The following FGF14 variants were observed in gnomAD, a reference collection of about 807,000 sequenced individuals.
FGF14 encodes fibroblast growth factor 14, also known as fibroblast growth factor homologous factor 4.
Under a neutral mutation model 25.5 loss-of-function variants are expected in FGF14, and 5 were observed. The observed-to-expected ratio is 0.20, with a 90% CI of 0.10 to 0.41. FGF14 has a LOEUF of 0.41. Among genes scored for constraint, FGF14 ranks in the 10% least tolerant of loss-of-function variants. The pLI, the probability that FGF14 is intolerant of heterozygous loss-of-function variation, is 1.00. For missense variants in FGF14, 222 were observed against 320.1 expected (o/e 0.69, Z 2.34); for synonymous variants, 138 against 118.3 (o/e 1.17, Z -1.08).
chr13:101,970,853 T>C (rs1424961408), intron 1 of FGF14, among the ~76,000 whole-genome samples: 2 of 152,174 alleles, frequency 1.3e-5, no homozygotes, highest in Non-Finnish European at 2.9e-5. Context: ...GTGCATTCAC[T>C]CTACCAACCC....
At chr13:102,003,758 T>A (rs1380456405) in intron 1 of FGF14, among the ~76,000 whole-genome samples, 3 of 152,132 alleles carry the variant, frequency 2.0e-5, no homozygotes, top group African/African-American at 4.8e-5. Context: ...GGCCTGCTCT[T>A]TCCTTTGACA....
chr13:102,316,200 C>T (rs1371610259), intron 1 of FGF14, among the ~76,000 whole-genome samples: 1 of 152,140 alleles, frequency 6.6e-6, no homozygotes, highest in East Asian at 1.9e-4. Flanking sequence ...TTCTCAAATC[C>T]TAAAATCCTG....
intron 1 of FGF14, among the ~76,000 whole-genome samples, chr13:102,194,060 T>C (rs2049238718): frequency 6.6e-6 from 1 of 152,110 alleles, no homozygotes; most frequent in Non-Finnish European, 1.5e-5. Context: ...ATGAGAATGA[T>C]ATATCAGCAA....
At chr13:101,934,225 T>C (rs1471026138) in intron 1 of FGF14, among the ~76,000 whole-genome samples, 1 of 152,230 alleles carries the variant, frequency 6.6e-6, no homozygotes, top group Non-Finnish European at 1.5e-5. Context: ...CCAAATGTCA[T>C]CTGTAGAATG....
At chr13:101,791,126 C>A (rs561354774) in intron 3 of FGF14, among the ~76,000 whole-genome samples, 20 of 152,284 alleles carry the variant, frequency 1.3e-4, no homozygotes, top group African/African-American at 4.6e-4. Context: ...GTCTCTTCCC[C>A]TTTACAGCTG....
chr13:101,982,255 C>G (rs1000555800), intron 1 of FGF14, among the ~76,000 whole-genome samples: 6 of 152,140 alleles, frequency 3.9e-5, no homozygotes, highest in African/African-American at 1.4e-4. Context: ...CTAATTAATA[C>G]ATGGTTTTAA....
chr13:102,355,572 A>T (rs1411528615), intron 1 of FGF14, among the ~76,000 whole-genome samples: 1 of 148,910 alleles, frequency 6.7e-6, no homozygotes, highest in African/African-American at 2.5e-5. Flanking sequence ...GTATGACACA[A>T]GGTGTGTGAA....
intron 3 of FGF14, among the ~76,000 whole-genome samples, chr13:101,817,890 A>G (rs1374705508): frequency 6.6e-6 from 1 of 152,232 alleles, no homozygotes; most frequent in Non-Finnish European, 1.5e-5. Context: ...GATGAAAACA[A>G]GAGAAAAATA....
At chr13:102,391,823 A>C (rs1057177503) in intron 1 of FGF14, among the ~76,000 whole-genome samples, 3 of 152,208 alleles carry the variant, frequency 2.0e-5, no homozygotes, top group Non-Finnish European at 4.4e-5. Flanking sequence ...TAGAAAACTG[A>C]CTCAGTTCTC....
intron 1 of FGF14, among the ~76,000 whole-genome samples, chr13:102,398,524 A>G (rs2058632183): frequency 6.6e-6 from 1 of 152,206 alleles, no homozygotes; most frequent in South Asian, 2.1e-4. Flanking sequence ...GGTATTTGGC[A>G]GTATTCTCCC....
intron 1 of FGF14, among the ~76,000 whole-genome samples, chr13:102,311,874 C>T (rs2055785833): frequency 6.6e-6 from 1 of 152,164 alleles, no homozygotes; most frequent in Non-Finnish European, 1.5e-5. Context: ...GCTAAAAAGT[C>T]TCTTTCAAAT....
intron 1 of FGF14, among the ~76,000 whole-genome samples, chr13:102,258,037 T>C (rs1435567902): frequency 6.6e-6 from 1 of 152,138 alleles, no homozygotes; most frequent in Non-Finnish European, 1.5e-5. Context: ...CTGACAATCA[T>C]GGTGGAAGGT....
At chr13:102,159,153 A>AAAAAG (rs1422214082) in intron 1 of FGF14, among the ~76,000 whole-genome samples, 1 of 142,014 alleles carries the variant, frequency 7.0e-6, no homozygotes, top group Non-Finnish European at 1.5e-5. Context: ...AAAAAAAAAA[A>AAAAAG]AAAAGAAAAG....
intron 3 of FGF14, among the ~76,000 whole-genome samples, chr13:101,845,465 G>T (rs953384780): frequency 1.3e-5 from 2 of 151,980 alleles, no homozygotes; most frequent in Admixed American, 1.3e-4. Flanking sequence ...AAAGGTGAAT[G>T]ATTAACTTGA....
At chr13:102,323,094 T>C (rs953103994) in intron 1 of FGF14, among the ~76,000 whole-genome samples, 4 of 152,212 alleles carry the variant, frequency 2.6e-5, no homozygotes, top group Admixed American at 6.5e-5. Context: ...CCAAAGGCTT[T>C]TGTTTCCATT....
intron 1 of FGF14, among the ~76,000 whole-genome samples, chr13:102,187,307 T>G (rs602459): frequency 0.97 from 147,012 of 152,294 alleles, 70,992 homozygotes; most frequent in East Asian, 1. Flanking sequence ...TTTTCTTGGA[T>G]AACACACAGG....
chr13:101,770,308 A>G (rs1361289507), intron 3 of FGF14, among the ~76,000 whole-genome samples: 2 of 152,180 alleles, frequency 1.3e-5, no homozygotes, highest in East Asian at 1.9e-4. Context: ...CATGTTTGCT[A>G]TATATTTTTA....
intron 1 of FGF14, among the ~76,000 whole-genome samples, chr13:102,226,381 C>G (rs1216510147): frequency 5.3e-5 from 8 of 152,142 alleles, no homozygotes; most frequent in Non-Finnish European, 1.2e-4. Flanking sequence ...TAATAGCTAG[C>G]TATGCTAATT....
chr13:101,978,307 G>T (rs1207659685), intron 1 of FGF14, among the ~76,000 whole-genome samples: 8 of 152,118 alleles, frequency 5.3e-5, no homozygotes, highest in African/African-American at 1.9e-4. Context: ...ATTTGATGTG[G>T]CATTTTCTTG....
Sources: gnomAD v4.1 joint callset for allele counts (sites outside exome capture counted in the v4.1 genomes callset) on GRCh38, gnomAD v4.1.1 for gene constraint, MANE v1.5 for transcripts, NCBI Gene and HGNC (gene_info 2026-07-23, HGNC 2026-07-21) for gene names.